The following PRPF6 variants were observed in gnomAD, a reference collection of about 807,000 sequenced individuals.
PRPF6 encodes the protein pre-mRNA processing factor 6, also known as pre-mRNA-processing factor 6.
A neutral mutation model predicts 118.3 loss-of-function variants in PRPF6; 42 were observed. The observed-to-expected ratio is 0.35, with a 90% CI of 0.28 to 0.46. PRPF6 has a LOEUF of 0.46. Ranked by LOEUF, PRPF6 falls within the 20% of genes least tolerant of loss-of-function variation. The pLI, the probability that PRPF6 is intolerant of heterozygous loss-of-function variation, is 1.00. For missense variants in PRPF6, 662 were observed against 1,255.7 expected, an observed-to-expected ratio of 0.53 and a Z score of 7.15; for synonymous variants, 481 against 485.1, an observed-to-expected ratio of 0.99 and a Z score of 0.11.
Position 63,999,135 on chromosome 20 carries a change from A to T in PRPF6, c.862A>T (p.Ile288Phe), listed in dbSNP as rs2123019458. 1.2e-6 allele frequency: 2 copies of T among 1,613,722 alleles called. No individual in the cohort carries two copies. The highest frequency in any genetic ancestry group is 4.5e-5 in the East Asian group (2 of 44,880). ...NSMIPTHGGD[I>F]NDIKKARLLL... ...CATGATCCCGACACACGGAGGAGACATCAAGTGAGTGCTTTGCAGAATCGC... is the reference window on the plus strand; with the variant it reads ...CATGATCCCGACACACGGAGGAGACTTCAAGTGAGTGCTTTGCAGAATCGC... Residue 288 changes from isoleucine (I) to phenylalanine (F), a missense_variant, in exon 7 of 21, where the codon ATC becomes TTC. Physicochemically the swap from Ile to Phe is conservative, Grantham distance 21. This residue lies in a region of PRPF6 where 71 missense variants were observed against 166.4 expected (regional missense o/e 0.43). Transcript: ENST00000266079.
chr20:63,993,371 G>A, intron 3 of PRPF6, 36 bp from the exon 4 acceptor site: 1 of 1,507,908 alleles, frequency 6.6e-7, no homozygotes, highest in East Asian at 2.3e-5. Context: ...GAACAGACAT[G>A]CAGTGTTTCT....
rs370846535 is a variant in PRPF6, at chr20:63,999,767, A to G, written c.1023+8A>G. 2 of 1,612,348 alleles carry G rather than the reference A, an allele frequency of 1.2e-6. No homozygotes were observed. The highest frequency in any genetic ancestry group is 2.2e-5 in the South Asian group (2 of 91,016). ...ACGGAGATGTGCCCCAAGGTGAGGT[A>G]TTTCCTGGGAGGCGTTTCCTGGGAG... On this transcript the variant is annotated splice_region_variant and intron_variant, in intron 8 of 20. Transcript: ENST00000266079.
chr20:64,018,720 C>A (rs1290099805), intron 12 of PRPF6, among the ~76,000 whole-genome samples: 1 of 152,080 alleles, frequency 6.6e-6, no homozygotes, highest in Non-Finnish European at 1.5e-5. Context: ...ACCTCAGCCT[C>A]CCAAAGTATG....
At chr20:63,996,056 C>A (rs2059139844) in intron 6 of PRPF6, among the ~76,000 whole-genome samples, 2 of 152,092 alleles carry the variant, frequency 1.3e-5, no homozygotes, top group South Asian at 2.1e-4. Flanking sequence ...GTACTTTGAT[C>A]TGGAGACTAG....
intron 9 of PRPF6, among the ~76,000 whole-genome samples, chr20:64,009,866 G>A (rs973344029): frequency 2.6e-5 from 4 of 152,194 alleles, no homozygotes; most frequent in Admixed American, 2.0e-4. Context: ...GTCACATAAA[G>A]GGAGTCATAT....
At chr20:63,987,128 C>T (rs1158724797) in intron 3 of PRPF6, among the ~76,000 whole-genome samples, 2 of 145,838 alleles carry the variant, frequency 1.4e-5, no homozygotes, top group Non-Finnish European at 3.0e-5. Flanking sequence ...TGAGATCATA[C>T]CACCACACTT....
intron 8 of PRPF6, among the ~76,000 whole-genome samples, chr20:64,000,264 G>GTTA (rs2059160551): frequency 6.6e-6 from 1 of 152,084 alleles, no homozygotes; most frequent in Non-Finnish European, 1.5e-5. Flanking sequence ...TGAGGCGGGT[G>GTTA]GATCACTTGA....
chr20:64,026,858 C>G lies in PRPF6; in HGVS notation c.2029-124C>G. On this transcript the variant is annotated intron_variant, in intron 15 of 20. Coordinates refer to ENST00000266079, the MANE Select transcript of PRPF6 (RefSeq NM_012469.4). The surrounding 1 kb of genome is among the most constrained non-coding windows in gnomAD (Gnocchi z 4.4). Reference sequence around the variant, plus strand: ...TATCCCCACCTTTTGTGTACACAAACAGGCTATGAAAAGCTTACAAAAGTA... The same window carrying G: ...TATCCCCACCTTTTGTGTACACAAAGAGGCTATGAAAAGCTTACAAAAGTA... The G allele has an allele frequency of 2.0e-6, 2 of 999,050 alleles. No homozygotes were observed. The highest frequency in any genetic ancestry group is 3.1e-6 in the Non-Finnish European group (2 of 636,710). The allele number at this position is 999,050 out of a possible 1,614,324, so 61.9% of individuals were successfully genotyped here. A position where few individuals can be genotyped will look rare whatever the true frequency, so the allele number is the denominator to read the frequency against.
At chr20:64,008,659 A>G (rs2059201193) in intron 9 of PRPF6, among the ~76,000 whole-genome samples, 1 of 152,046 alleles carries the variant, frequency 6.6e-6, no homozygotes, top group African/African-American at 2.4e-5. Flanking sequence ...AATTATTCTT[A>G]AGAGAAGAAT....
chr20:63,983,192 C>T lies in PRPF6; in HGVS notation c.217C>T (p.Leu73=). The T allele has an allele frequency of 6.2e-7, 1 of 1,614,214 alleles. No homozygotes were observed. The highest frequency in any genetic ancestry group is 8.5e-7 in the Non-Finnish European group (1 of 1,180,046). ...GGCTGCTGACGATGACGACGAGGAT[C>T]TAAATGACACCAATTACGATGAGGT... ...NQAADDDDED[L]NDTNYDEFNG... The change falls in exon 2 of 21, where the codon CTA becomes TTA. Residue 73 remains leucine (L), a synonymous_variant. Transcript: ENST00000266079.
In PRPF6 at chr20:64,011,469, A is replaced by G; in HGVS notation, c.1490A>G (p.Asn497Ser). 1.2e-6 allele frequency: 2 copies of G among 1,613,850 alleles called. No individual in the cohort carries two copies. The highest frequency in any genetic ancestry group is 1.7e-6 in the Non-Finnish European group (2 of 1,180,016). ...CGAGCCATCACCTCGCTGCGGGCCA[A>G]CGGTGTGGAGATCAACCGTGAGCAG... ...IDRAITSLRA[N>S]GVEINREQWI... is the part of the protein sequence containing the mutation. The change falls in exon 11 of 21, where the codon AAC (asparagine) becomes AGC (serine). Residue 497 changes from asparagine (N) to serine (S), a missense_variant. Coordinates refer to ENST00000266079, the MANE Select transcript of PRPF6 (RefSeq NM_012469.4). This position sits in a 1 kb window ranked among gnomAD's most constrained non-coding sequence, Gnocchi z 6.7.
At position 64,024,663 on chromosome 20, in the gene PRPF6, A is replaced by G. The variant is rs1234654061; in HGVS notation, c.1878A>G (p.Ala626=). The part of the protein sequence containing the change: ...KSKWLAGDVP[A]ARSILALAFQ... Reference sequence around the variant, plus strand: ...AGTGGCTGGCAGGGGATGTGCCTGCAGCAAGGAGCATCCTGGCCCTGGCCT... The same window carrying G: ...AGTGGCTGGCAGGGGATGTGCCTGCGGCAAGGAGCATCCTGGCCCTGGCCT... Residue 626 remains alanine, a synonymous_variant, in exon 14 of 21, where the codon GCA becomes GCG. Coordinates refer to ENST00000266079, the MANE Select transcript of PRPF6 (RefSeq NM_012469.4). The G allele has an allele frequency of 6.2e-7, 1 of 1,613,366 alleles. No homozygotes were observed. Among genetic ancestry groups the G allele is most frequent in the African/African-American group, 1.3e-5 (1 of 75,056 alleles).
At chr20:64,032,789 C>T (rs1009295386) in intron 20 of PRPF6, 52 bp from the exon 21 acceptor site, 8 of 1,562,372 alleles carry the variant, frequency 5.1e-6, no homozygotes, top group Non-Finnish European at 6.9e-6. Flanking sequence ...AGGCGAGGTC[C>T]GGGGAGTAGC....
In PRPF6 at chr20:64,022,790, G is replaced by A. The variant is rs760618200; in HGVS notation, c.1681G>A (p.Ala561Thr). 6.2e-7 allele frequency: 1 copy of A among 1,614,130 alleles called. No homozygotes were observed. Among genetic ancestry groups the A allele is most frequent in the Non-Finnish European group, 8.5e-7 (1 of 1,180,026 alleles). ...CCACAATGCCCTGGAGTGTGCACGAGCCATCTACGCCTACGCCCTGCAGGT... is the reference window on the plus strand; with the variant it reads ...CCACAATGCCCTGGAGTGTGCACGAACCATCTACGCCTACGCCCTGCAGGT... The part of the protein sequence containing the change: ...VAHNALECAR[A>T]IYAYALQVFP... The change falls in exon 13 of 21, where the codon GCC becomes ACC. Residue 561 changes from alanine to threonine, a missense_variant. Ala to Thr is a moderately conservative substitution (Grantham distance 58). Coordinates refer to ENST00000266079, the MANE Select transcript of PRPF6 (RefSeq NM_012469.4).
chr20:64,027,646 C>CT lies in PRPF6; in HGVS notation c.2250dup (p.Arg751SerfsTer66). 6.2e-7 allele frequency: 1 copy of CT among 1,614,122 alleles called. No homozygotes were observed. Among genetic ancestry groups the CT allele is most frequent in the Non-Finnish European group, 8.5e-7 (1 of 1,180,014 alleles). Reference sequence around the variant, plus strand: ...TCCACACCCCTGTGGCTTTTGCTCTCTCGGCTGGAGGAGAAGATTGGGCAG... The same window carrying CT: ...TCCACACCCCTGTGGCTTTTGCTCTCTTCGGCTGGAGGAGAAGATTGGGCAG... On this transcript the variant is annotated frameshift_variant, in exon 17 of 21. Coordinates refer to ENST00000266079, the MANE Select transcript of PRPF6 (RefSeq NM_012469.4). LOFTEE classifies it high-confidence loss of function. This position sits in a 1 kb window ranked among gnomAD's most constrained non-coding sequence, Gnocchi z 6.5.
rs768934917 is a variant in PRPF6 at position 64,001,213 on chromosome 20, G to A, written c.1160G>A (p.Arg387His). 2 of 1,614,112 alleles carry A rather than the reference G, an allele frequency of 1.2e-6. No individual in the cohort carries two copies. The highest frequency in any genetic ancestry group is 8.5e-7 in the Non-Finnish European group (1 of 1,180,054). The change falls in exon 9 of 21, where the codon CGT becomes CAT. Residue 387 changes from arginine (R) to histidine (H), a missense_variant. Arg to His is a conservative substitution (Grantham distance 29). Around this residue, in one of 10 missense-constraint regions of PRPF6, gnomAD observed 189 missense variants for 323.5 expected, o/e 0.58. Transcript: ENST00000266079. ...GCCGCAGAGCTGGAAACGGACATTCGTGCAAAGAAGCGGGTTCTTCGGAAA... is the reference window on the plus strand; with the variant it reads ...GCCGCAGAGCTGGAAACGGACATTCATGCAAAGAAGCGGGTTCTTCGGAAA... ...IRAAELETDI[R>H]AKKRVLRKAL...
Position 63,995,590 on chromosome 20 carries a change from C to T in PRPF6, c.771+108C>T, listed in dbSNP as rs2059137877. On this transcript the variant is annotated intron_variant, in intron 6 of 20. Transcript: ENST00000266079. ...TTCTCCTTTTTCTTCTCCTCCTTCT[C>T]CTCCTCCTCCTTCTTCTCCTTCTCC... The T allele has an allele frequency of 1.4e-5, 17 of 1,249,276 alleles. 1 individual carries two copies. Among genetic ancestry groups the T allele is most frequent in the South Asian group, 7.7e-5 (6 of 77,424 alleles). 77.4% of individuals were successfully genotyped at this position (1,249,276 alleles called of 1,614,324 possible). A position where few individuals can be genotyped will look rare whatever the true frequency, so the allele number is the denominator to read the frequency against.
chr20:64,015,479 C>T (rs2123062494), intron 11 of PRPF6, among the ~76,000 whole-genome samples: 1 of 152,354 alleles, frequency 6.6e-6, no homozygotes, highest in African/African-American at 2.4e-5. Flanking sequence ...GCTCCGGTTG[C>T]ACTTTGCTCA....
intron 12 of PRPF6, among the ~76,000 whole-genome samples, chr20:64,017,175 C>T (rs1422921021): frequency 6.6e-6 from 1 of 152,252 alleles, no homozygotes; most frequent in Non-Finnish European, 1.5e-5. Context: ...ATCTCCTGAC[C>T]TCGTGATCCA....
Sources: allele counts gnomAD v4.1 joint callset (sites outside exome capture counted in the v4.1 genomes callset), GRCh38; gene constraint gnomAD v4.1.1; regional missense constraint gnomAD v4.1.1; non-coding constraint Gnocchi (gnomAD v3.1); transcripts MANE v1.5; gene names NCBI Gene and HGNC (gene_info 2026-07-23, HGNC 2026-07-21).